FAM168B: variants seen among roughly 807,000 people sequenced by gnomAD.
The protein encoded by FAM168B is myelin-associated neurite-outgrowth inhibitor.
A neutral mutation model predicts 21.8 loss-of-function variants in FAM168B; 19 were observed. The ratio of observed to expected loss-of-function variants is 0.87; its 90% CI spans 0.61 to 1.28. FAM168B has a LOEUF of 1.28. FAM168B is among the 50% of genes most tolerant of loss of function. The pLI is 0.00. For synonymous variants in FAM168B, 126 were observed against 104.8 expected, an observed-to-expected ratio of 1.20 and a Z score of -1.24; for missense variants, 233 against 263.1, an observed-to-expected ratio of 0.89 and a Z score of 0.79.
chr2:131,062,045 AAAG>A (rs1488979019), intron 3 of FAM168B, among the ~76,000 whole-genome samples: 1 of 152,242 alleles, frequency 6.6e-6, no homozygotes, highest in African/African-American at 2.4e-5. Context: ...AAAGCTGTTA[AAAG>A]AAGTCAAAAC....
At chr2:131,070,429 C>A (rs1252480096) in intron 3 of FAM168B, among the ~76,000 whole-genome samples, 1 of 152,216 alleles carries the variant, frequency 6.6e-6, no homozygotes, top group Non-Finnish European at 1.5e-5. Context: ...GGAACGACAA[C>A]TCACAAACAC....
At chr2:131,078,394 G>GA (rs1333039142) in intron 2 of FAM168B, among the ~76,000 whole-genome samples, 3 of 152,012 alleles carry the variant, frequency 2.0e-5, no homozygotes, top group Non-Finnish European at 4.4e-5. Context: ...AGCTCATGGA[G>GA]AAAAAAACAG....
chr2:131,090,319 CAAAA>C (rs1179969129), intron 1 of FAM168B, among the ~76,000 whole-genome samples: 1 of 75,216 alleles, frequency 1.3e-5, no homozygotes, highest in Non-Finnish European at 3.0e-5. Flanking sequence ...ACTCTTGTCT[CAAAA>C]AAAAAAAAAA....
intron 3 of FAM168B, among the ~76,000 whole-genome samples, chr2:131,064,363 T>A (rs1443532699): frequency 6.6e-6 from 1 of 152,164 alleles, no homozygotes; most frequent in Non-Finnish European, 1.5e-5. Context: ...AGAGAAGATC[T>A]GTGCCAAAAC....
intron 3 of FAM168B, among the ~76,000 whole-genome samples, chr2:131,066,976 AG>A (rs777373921): frequency 4.6e-5 from 7 of 152,220 alleles, no homozygotes; most frequent in Non-Finnish European, 7.3e-5. Flanking sequence ...TGGAAGGCAA[AG>A]GAAGAGCAAA....
chr2:131,069,180 C>G (rs1207631910), intron 3 of FAM168B, among the ~76,000 whole-genome samples: 1 of 152,182 alleles, frequency 6.6e-6, no homozygotes, highest in Non-Finnish European at 1.5e-5. Context: ...CAAGGTTCTT[C>G]TTGTAAAATA....
At chr2:131,092,445 G>A (rs893413663) in intron 1 of FAM168B, among the ~76,000 whole-genome samples, 2 of 152,160 alleles carry the variant, frequency 1.3e-5, no homozygotes, top group Admixed American at 6.5e-5. Flanking sequence ...TTCATCCATA[G>A]TATTTGAGAA....
chr2:131,079,744 G>C (rs1019986264), intron 2 of FAM168B, among the ~76,000 whole-genome samples: 1 of 151,912 alleles, frequency 6.6e-6, no homozygotes, highest in East Asian at 1.9e-4. Flanking sequence ...AAACACACCC[G>C]GCAAAAGAAT....
chr2:131,075,828 A>T (rs1693124664), intron 2 of FAM168B, among the ~76,000 whole-genome samples: 1 of 152,072 alleles, frequency 6.6e-6, no homozygotes, highest in African/African-American at 2.4e-5. Flanking sequence ...CTATAATGAA[A>T]CAGCAAACAC....
At chr2:131,083,927 C>T (rs891769259) in intron 1 of FAM168B, among the ~76,000 whole-genome samples, 2 of 151,716 alleles carry the variant, frequency 1.3e-5, no homozygotes, top group Non-Finnish European at 2.9e-5. Flanking sequence ...TTTTCCCAGA[C>T]GGAGTCTCGC....
At chr2:131,061,044 G>A (rs1297028336) in intron 3 of FAM168B, among the ~76,000 whole-genome samples, 2 of 151,082 alleles carry the variant, frequency 1.3e-5, no homozygotes, top group Non-Finnish European at 3.0e-5. Context: ...GTAGAGACGG[G>A]GTTTCACCGT....
chr2:131,083,540 C>CA lies in FAM168B; in HGVS notation c.-11-884dup, dbSNP rs200765122. 3.2e-4 allele frequency among the ~76,000 whole-genome samples: 49 copies of CA among 151,590 alleles called. No homozygotes were observed. The East Asian group carries it at 6.0e-3, about 19-fold the overall frequency. ...TGGACAACAGAGCGAGACTTTGTCGCAAAAAAAACATGGGGAAAACCCTAC... is the reference window on the plus strand; with the variant it reads ...TGGACAACAGAGCGAGACTTTGTCGCAAAAAAAAACATGGGGAAAACCCTAC... On this transcript the variant is annotated intron_variant, in intron 1 of 6. Coordinates refer to ENST00000389915, the MANE Select transcript of FAM168B (RefSeq NM_001009993.4).
At chr2:131,059,253 A>C (rs1353203680) in intron 3 of FAM168B, among the ~76,000 whole-genome samples, 1 of 152,196 alleles carries the variant, frequency 6.6e-6, no homozygotes, top group Non-Finnish European at 1.5e-5. Context: ...ACATAGCAGC[A>C]TTTTATGCAG....
Position 131,071,865 on chromosome 2 carries a change from G to A in FAM168B, c.144C>T (p.Thr48=), listed in dbSNP as rs533680316. ...SPNMYPGANP[T]FQTGYTPGTP... ...CCACCCAGCACATACCTGTTTGGAA[G>A]GTAGGATTCGCTCCAGGATACATGT... The change falls in exon 3 of 7, where the codon ACC becomes ACT. Residue 48 remains threonine (T), a synonymous_variant. Coordinates refer to ENST00000389915, the MANE Select transcript of FAM168B (RefSeq NM_001009993.4). The A allele has an allele frequency of 1.2e-6, 2 of 1,613,976 alleles. No individual in the cohort carries two copies. The highest frequency in any genetic ancestry group is 1.7e-5 in the Admixed American group (1 of 60,016).
At chr2:131,080,758 C>T (rs1462320691) in intron 2 of FAM168B, among the ~76,000 whole-genome samples, 1 of 151,730 alleles carries the variant, frequency 6.6e-6, no homozygotes, top group Non-Finnish European at 1.5e-5. Context: ...CAAGCTCCAC[C>T]TCCCGGGTTC....
rs1370269517 is a variant in FAM168B, at chr2:131,052,256, C to T, written c.*209G>A. The T allele has an allele frequency of 1.3e-5, 13 of 985,890 alleles. No individual in the cohort carries two copies. Among genetic ancestry groups the T allele is most frequent in the African/African-American group, 1.7e-5 (1 of 57,368 alleles). The allele number at this position is 985,890 out of a possible 1,614,324, so 61.1% of individuals were successfully genotyped here. On this transcript the variant is annotated 3_prime_UTR_variant, in exon 7 of 7. Coordinates refer to ENST00000389915, the MANE Select transcript of FAM168B (RefSeq NM_001009993.4). ...AGCTAAAAAATTGCCAGGCAGTCCACAAAACAGAATTTGCTTTAAGACCAA... is the reference window on the plus strand; with the variant it reads ...AGCTAAAAAATTGCCAGGCAGTCCATAAAACAGAATTTGCTTTAAGACCAA...
At chr2:131,085,037 GT>G (rs1693612595) in intron 1 of FAM168B, among the ~76,000 whole-genome samples, 1 of 152,110 alleles carries the variant, frequency 6.6e-6, no homozygotes, top group Non-Finnish European at 1.5e-5. Flanking sequence ...ACTCACTGAC[GT>G]ATGTGGTTAT....
At chr2:131,082,488 G>A (rs1693471364) in intron 2 of FAM168B, 89 bp downstream of exon 2, 2 of 866,074 alleles carry the variant, frequency 2.3e-6, no homozygotes, top group African/African-American at 3.5e-5. Flanking sequence ...ACTTTGAGCT[G>A]CGTTTGTCAA....
chr2:131,051,759 T>TTAA lies in FAM168B; in HGVS notation c.*705_*706insTTA, dbSNP rs1691690251. 26 of 985,348 alleles carry TTAA rather than the reference T, an allele frequency of 2.6e-5. No homozygotes were observed. The highest frequency in any genetic ancestry group is 2.9e-5 in the Non-Finnish European group (24 of 829,942). 61.0% of individuals were successfully genotyped at this position (985,348 alleles called of 1,614,324 possible). ...ACTACCATAATCTTTCATGATGAGC[T>TTAA]TTAAGCATGTCCCTGTTCCACTGAC... On this transcript the variant is annotated 3_prime_UTR_variant, in exon 7 of 7. Coordinates refer to ENST00000389915, the MANE Select transcript of FAM168B (RefSeq NM_001009993.4).
Sources: gnomAD v4.1 joint callset for allele counts (sites outside exome capture counted in the v4.1 genomes callset) on GRCh38, gnomAD v4.1.1 for gene constraint, MANE v1.5 for transcripts, NCBI Gene and HGNC (gene_info 2026-07-23, HGNC 2026-07-21) for gene names.